The following CRPPA variants were observed in gnomAD, a reference collection of about 807,000 sequenced individuals.
CRPPA encodes D-ribitol-5-phosphate cytidylyltransferase.
In CRPPA, 43 loss-of-function variants were observed where a neutral mutation model predicts 52.0. That is an observed-to-expected ratio of 0.83 (90% confidence interval 0.65 to 1.07). CRPPA has a LOEUF of 1.07. Among genes scored for constraint, CRPPA ranks in the 50% least tolerant of loss-of-function variants. The pLI is 0.00. For missense variants in CRPPA, 629 were observed against 551.7 expected (o/e 1.14, Z -1.40); for synonymous variants, 250 against 203.5 (o/e 1.23, Z -1.94).
intron 2 of CRPPA, among the ~76,000 whole-genome samples, chr7:16,380,162 C>A (rs181676886): frequency 1.7e-4 from 25 of 151,206 alleles, no homozygotes; most frequent in Admixed American, 1.3e-3. Context: ...GAGATACGTC[C>A]CATCAATACC....
At chr7:16,164,268 T>A (rs1345536698) in intron 9 of CRPPA, among the ~76,000 whole-genome samples, 1 of 152,226 alleles carries the variant, frequency 6.6e-6, no homozygotes, top group East Asian at 1.9e-4. Context: ...TGATCTTCAG[T>A]CTCTGATATT....
intron 8 of CRPPA, among the ~76,000 whole-genome samples, chr7:16,224,271 T>C (rs1782594475): frequency 6.6e-6 from 1 of 152,166 alleles, no homozygotes; most frequent in Non-Finnish European, 1.5e-5. Context: ...AGTTAACTTT[T>C]TATATTTTAA....
Position 16,132,692 on chromosome 7 carries a change from A to C in CRPPA, c.1252-40893T>G, listed in dbSNP as rs1398028489. ...ATGCAAATTTTTAAAAAGGAAATTT[A>C]CTGAAAATTTTTTTGGAGATTTGCA... On this transcript the variant is annotated intron_variant, in intron 9 of 9. Coordinates refer to ENST00000407010, the MANE Select transcript of CRPPA (RefSeq NM_001101426.4). Among the ~76,000 whole-genome samples, 5 of 125,152 alleles carry C rather than the reference A, an allele frequency of 4.0e-5. 1 individual carries two copies. Among genetic ancestry groups the C allele is most frequent in the Non-Finnish European group, 9.1e-5 (5 of 54,994 alleles). The allele number at this position is 125,152 out of a possible 152,430, so 82.1% of individuals were successfully genotyped here.
At chr7:16,237,660 A>G (rs1782988395) in intron 8 of CRPPA, among the ~76,000 whole-genome samples, 1 of 152,178 alleles carries the variant, frequency 6.6e-6, no homozygotes, top group African/African-American at 2.4e-5. Context: ...TTTTCTGCTT[A>G]TTTTAATCTA....
At chr7:16,117,076 T>A (rs1012403196) in intron 9 of CRPPA, among the ~76,000 whole-genome samples, 1 of 152,212 alleles carries the variant, frequency 6.6e-6, no homozygotes, top group Non-Finnish European at 1.5e-5. Context: ...TGTATTTTTC[T>A]GATATAGACC....
chr7:16,135,085 C>T lies in CRPPA; in HGVS notation c.1252-43286G>A, dbSNP rs374105957. On this transcript the variant is annotated intron_variant, in intron 9 of 9. Transcript: ENST00000407010. ...TCAAAGCCATATTATTCCAGTATTC[C>T]TGGAGGAAGCAATGGGGAAGGATGA... Among the ~76,000 whole-genome samples the T allele has an allele frequency of 3.0e-3, 464 of 152,204 alleles. 2 individuals are homozygous for T. Among genetic ancestry groups the T allele is most frequent in the African/African-American group, 0.011 (439 of 41,536 alleles).
At chr7:16,245,727 A>G (rs1310606068) in intron 8 of CRPPA, among the ~76,000 whole-genome samples, 4 of 152,226 alleles carry the variant, frequency 2.6e-5, no homozygotes, top group Admixed American at 6.5e-5. Flanking sequence ...GGAGCCAATA[A>G]AGCAAATATC....
At chr7:16,353,609 G>T (rs13232066) in intron 3 of CRPPA, among the ~76,000 whole-genome samples, 24,663 of 152,106 alleles carry the variant, frequency 0.16, 2,533 homozygotes, top group South Asian at 0.42. Flanking sequence ...TAGCAATTTG[G>T]GAGGCCAAGG....
intron 9 of CRPPA, among the ~76,000 whole-genome samples, chr7:16,207,127 G>A (rs1781992211): frequency 6.6e-6 from 1 of 152,014 alleles, no homozygotes; most frequent in Non-Finnish European, 1.5e-5. Flanking sequence ...ACCTTATTTT[G>A]CAAACTATTC....
intron 9 of CRPPA, among the ~76,000 whole-genome samples, chr7:16,165,637 GCAAATTC>G: frequency 6.6e-6 from 1 of 152,294 alleles, no homozygotes; most frequent in Non-Finnish European, 1.5e-5. Context: ...ACATGCAAAT[GCAAATTC>G]AAAAACAGCC....
At chr7:16,377,032 A>G (rs932685519) in intron 2 of CRPPA, among the ~76,000 whole-genome samples, 2 of 152,166 alleles carry the variant, frequency 1.3e-5, no homozygotes, top group African/African-American at 4.8e-5. Flanking sequence ...TTTCTTCCAC[A>G]CAATTGCTAC....
At chr7:16,213,467 G>C (rs1782206987) in intron 9 of CRPPA, among the ~76,000 whole-genome samples, 1 of 151,522 alleles carries the variant, frequency 6.6e-6, no homozygotes. Context: ...ACAAAAATTT[G>C]GCCAGGCGCG....
At chr7:16,217,641 A>T (rs1488252644) in intron 8 of CRPPA, among the ~76,000 whole-genome samples, 14 of 147,014 alleles carry the variant, frequency 9.5e-5, no homozygotes, top group Non-Finnish European at 1.9e-4. Context: ...CTACGTGAAG[A>T]ATGCAGAAGC....
At chr7:16,160,110 G>C (rs1783271349) in intron 9 of CRPPA, among the ~76,000 whole-genome samples, 1 of 152,106 alleles carries the variant, frequency 6.6e-6, no homozygotes. Context: ...CTCCCATTCT[G>C]TAGGTTGCCT....
chr7:16,170,769 G>C (rs376301907), intron 9 of CRPPA, among the ~76,000 whole-genome samples: 2 of 152,316 alleles, frequency 1.3e-5, no homozygotes, highest in East Asian at 3.9e-4. Flanking sequence ...GCGGGGTACA[G>C]GTGGGCCAGC....
intron 9 of CRPPA, among the ~76,000 whole-genome samples, chr7:16,128,961 C>T (rs1782632145): frequency 6.6e-6 from 1 of 152,166 alleles, no homozygotes; most frequent in South Asian, 2.1e-4. Flanking sequence ...TCTTACAGTT[C>T]TGTTCCAAAC....
intron 9 of CRPPA, among the ~76,000 whole-genome samples, chr7:16,147,194 A>C (rs1038564920): frequency 6.6e-6 from 1 of 152,170 alleles, no homozygotes; most frequent in Non-Finnish European, 1.5e-5. Flanking sequence ...CTGTGAGTCC[A>C]TTAAACCTCT....
At chr7:16,216,937 C>T (rs970274764) in intron 8 of CRPPA, among the ~76,000 whole-genome samples, 1 of 151,858 alleles carries the variant, frequency 6.6e-6, no homozygotes, top group Admixed American at 6.6e-5. Context: ...GTGGAGCCCA[C>T]CACAGCTCAA....
Position 16,268,356 on chromosome 7 carries a change from T to G in CRPPA, c.934-9344A>C, listed in dbSNP as rs558588766. 7.2e-5 allele frequency among the ~76,000 whole-genome samples: 11 copies of G among 152,228 alleles called. No homozygotes were observed. In the South Asian group the frequency reaches 1.9e-3, roughly 26 times the overall value. ...TTCACATGTAATCCCAAGAAAATCA[T>G]GCAATAGTCTTTTAAAGAATATTCA... On this transcript the variant is annotated intron_variant, in intron 6 of 9. Transcript: ENST00000407010.
Sources: gnomAD v4.1 joint callset for allele counts (sites outside exome capture counted in the v4.1 genomes callset) on GRCh38, gnomAD v4.1.1 for gene constraint, MANE v1.5 for transcripts, NCBI Gene and HGNC (gene_info 2026-07-23, HGNC 2026-07-21) for gene names.